The following FANCC variants were observed in gnomAD, a reference collection of about 807,000 sequenced individuals.
The protein encoded by FANCC is FA complementation group C, also known as Fanconi anemia group C protein.
Under a neutral mutation model 71.3 loss-of-function variants are expected in FANCC, and 55 were observed. The observed-to-expected ratio is 0.77, with a 90% confidence interval of 0.62 to 0.97. The LOEUF is 0.97. FANCC is among the 50% of genes least tolerant of loss of function. FANCC has a pLI of 0.00. For synonymous variants in FANCC, 275 were observed against 244.9 expected (o/e 1.12, Z -1.15); for missense variants, 678 against 670.9 (o/e 1.01, Z -0.12).
chr9:95,234,013 G>C (rs1159802256), intron 4 of FANCC, among the ~76,000 whole-genome samples: 1 of 152,150 alleles, frequency 6.6e-6, no homozygotes, highest in Non-Finnish European at 1.5e-5. Flanking sequence ...TGACCAGTAA[G>C]GAAGGTCTGC....
chr9:95,107,171 G>A lies in FANCC; in HGVS notation c.1428C>T (p.Asp476=). 1 of 1,614,236 alleles carries A rather than the reference G, an allele frequency of 6.2e-7. No individual in the cohort carries two copies. Among genetic ancestry groups the A allele is most frequent in the South Asian group, 1.1e-5 (1 of 91,078 alleles). The change falls in exon 14 of 15, where the codon GAC becomes GAT. Residue 476 remains aspartate (D), a synonymous_variant. Coordinates refer to ENST00000289081, the MANE Select transcript of FANCC (RefSeq NM_000136.3). Reference sequence around the variant, plus strand: ...GTTGTGCAGGAGCTCTGAGGTCTGTGTCTGTGCCCTGTCCTGCTACCGTCT... The same window carrying A: ...GTTGTGCAGGAGCTCTGAGGTCTGTATCTGTGCCCTGTCCTGCTACCGTCT... ...DLQTVAGQGT[D]TDLRAPAQQL...
rs1448504558 is a variant in FANCC, at chr9:95,101,695, C to T, written c.*12G>A. 1.2e-6 allele frequency: 2 copies of T among 1,613,380 alleles called. No individual in the cohort carries two copies. Among genetic ancestry groups the T allele is most frequent in the East Asian group, 2.2e-5 (1 of 44,880 alleles). ...TCCCTCACGCCGGGCACCCACACGG[C>T]CTGCGTGCCTTCTAGACTTGAGTTC... On this transcript the variant is annotated 3_prime_UTR_variant, in exon 15 of 15. Transcript: ENST00000289081.
intron 1 of FANCC, among the ~76,000 whole-genome samples, chr9:95,261,748 C>T (rs1303969937): frequency 6.6e-6 from 1 of 152,078 alleles, no homozygotes; most frequent in Non-Finnish European, 1.5e-5. Flanking sequence ...TTCAGAAATT[C>T]CTATGCAGAG....
intron 1 of FANCC, among the ~76,000 whole-genome samples, chr9:95,279,708 G>T (rs1833261397): frequency 6.6e-6 from 1 of 152,158 alleles, no homozygotes. Context: ...AGCACTTTGG[G>T]AGGCCAAGGT....
chr9:95,136,589 T>G (rs1640954965), intron 7 of FANCC, among the ~76,000 whole-genome samples: 1 of 152,180 alleles, frequency 6.6e-6, no homozygotes, highest in African/African-American at 2.4e-5. Context: ...TAGGCTCATG[T>G]GATCCTCCTG....
chr9:95,295,703 G>A (rs920695214), intron 1 of FANCC, among the ~76,000 whole-genome samples: 3 of 151,758 alleles, frequency 2.0e-5, no homozygotes, highest in African/African-American at 7.3e-5. Flanking sequence ...CGGAGGTTGA[G>A]GCTACAGTGA....
rs912537449 is a variant in FANCC at position 95,111,482 on chromosome 9, T to G, written c.1310A>C (p.Gln437Pro). ...ACCCACCATAGTCTGTGCTCTCTGC[T>G]GCCTCCCATCACGGGGGCCGTAGTA... Reference protein sequence around the residue: ...AFYYGPRDGRQQRAQTMVQVK... With the variant: ...AFYYGPRDGRPQRAQTMVQVK... Residue 437 changes from glutamine to proline, a missense_variant, in exon 13 of 15, where the codon CAG becomes CCG. Transcript: ENST00000289081. The G allele has an allele frequency of 2.7e-5, 43 of 1,613,662 alleles. No homozygotes were observed. The highest frequency in any genetic ancestry group is 3.6e-5 in the Non-Finnish European group (42 of 1,180,010).
intron 4 of FANCC, among the ~76,000 whole-genome samples, chr9:95,185,985 GT>G (rs1826684523): frequency 6.6e-6 from 1 of 152,166 alleles, no homozygotes; most frequent in Admixed American, 6.5e-5. Flanking sequence ...CTTATCATAT[GT>G]TTAAAATGGA....
intron 2 of FANCC, among the ~76,000 whole-genome samples, chr9:95,248,301 G>C (rs886422179): frequency 1.3e-5 from 2 of 152,064 alleles, no homozygotes; most frequent in Admixed American, 1.3e-4. Flanking sequence ...ATGTGTCCCA[G>C]CATCAAGCCT....
chr9:95,211,519 G>T (rs1010352176), intron 4 of FANCC, among the ~76,000 whole-genome samples: 1 of 152,276 alleles, frequency 6.6e-6, no homozygotes, highest in Middle Eastern at 3.4e-3. Flanking sequence ...CTGGAGAAAG[G>T]CCACTATAGA....
Position 95,117,446 on chromosome 9 carries a change from G to A in FANCC, c.997-56C>T, listed in dbSNP as rs931692058. The A allele has an allele frequency of 1.2e-5, 18 of 1,467,368 alleles. No homozygotes were observed. The African/African-American group carries it at 2.4e-4, about 19-fold the overall frequency. The allele number at this position is 1,467,368 out of a possible 1,614,324, so 90.9% of individuals were successfully genotyped here. A position where few individuals can be genotyped will look rare whatever the true frequency, so the allele number is the denominator to read the frequency against. On this transcript the variant is annotated intron_variant, in intron 10 of 14. Transcript: ENST00000289081. Reference sequence around the variant, plus strand: ...GAACATTAAGATTGAAACGGGGTCAGGAAAATACAAAACTCTGAGTCCTCT... The same window carrying A: ...GAACATTAAGATTGAAACGGGGTCAAGAAAATACAAAACTCTGAGTCCTCT...
At chr9:95,194,735 A>G (rs1455875488) in intron 4 of FANCC, among the ~76,000 whole-genome samples, 1 of 151,764 alleles carries the variant, frequency 6.6e-6, no homozygotes, top group East Asian at 1.9e-4. Flanking sequence ...AGATTTCTTG[A>G]TTATCTAGAT....
intron 1 of FANCC, chr9:95,317,113 AG>A (rs1424568784): frequency 6.6e-6 from 1 of 152,410 alleles, no homozygotes; most frequent in African/African-American, 2.4e-5. Context: ...CACGAGTCCG[AG>A]GCAGAGAAAT....
rs1825653076 is a variant in FANCC, at chr9:95,171,139, AC to A, written c.460del (p.Val154PhefsTer4). 6.2e-7 allele frequency: 1 copy of A among 1,612,682 alleles called. No homozygotes were observed. Among genetic ancestry groups the A allele is most frequent in the Admixed American group, 1.7e-5 (1 of 60,008 alleles). On this transcript the variant is annotated frameshift_variant, in exon 6 of 15. Coordinates refer to ENST00000289081, the MANE Select transcript of FANCC (RefSeq NM_000136.3). LOFTEE classifies it high-confidence loss of function. Reference sequence around the variant, plus strand: ...TCTGAGTTCAGACGCTAATGATAAAACCATCTGTAAAACAAAATCAGTTGCA... The same window carrying A: ...TCTGAGTTCAGACGCTAATGATAAAACATCTGTAAAACAAAATCAGTTGCA... ...DYYPGLLKNM[V>X]LSLASELREN...
intron 4 of FANCC, among the ~76,000 whole-genome samples, chr9:95,204,321 T>C (rs1171572348): frequency 6.6e-6 from 1 of 152,216 alleles, no homozygotes; most frequent in Non-Finnish European, 1.5e-5. Flanking sequence ...AAGCTTCATC[T>C]ATATAGACCC....
intron 1 of FANCC, among the ~76,000 whole-genome samples, chr9:95,296,308 T>A (rs1286379698): frequency 6.6e-6 from 1 of 152,152 alleles, no homozygotes; most frequent in East Asian, 1.9e-4. Flanking sequence ...TTTCATTGCC[T>A]GAAAAATAGA....
chr9:95,228,658 C>T (rs1376933399), intron 4 of FANCC, among the ~76,000 whole-genome samples: 1 of 152,166 alleles, frequency 6.6e-6, no homozygotes, highest in Non-Finnish European at 1.5e-5. Flanking sequence ...ACTAAGACCG[C>T]GTGCAAGCGA....
At chr9:95,171,242 C>T (rs943559961) in intron 5 of FANCC, 99 bp from the exon 6 acceptor site, 55 of 866,806 alleles carry the variant, frequency 6.3e-5, no homozygotes, top group Non-Finnish European at 1.0e-4. Flanking sequence ...TGAGATTCCC[C>T]CAACCCCCAT....
At chr9:95,296,951 T>G (rs1307319330) in intron 1 of FANCC, among the ~76,000 whole-genome samples, 1 of 152,240 alleles carries the variant, frequency 6.6e-6, no homozygotes, top group African/African-American at 2.4e-5. Flanking sequence ...TCTTAAAATC[T>G]CTTTCATTTC....
Sources: gnomAD v4.1 joint callset for allele counts (sites outside exome capture counted in the v4.1 genomes callset) on GRCh38, gnomAD v4.1.1 for gene constraint, MANE v1.5 for transcripts, NCBI Gene and HGNC (gene_info 2026-07-23, HGNC 2026-07-21) for gene names.